Variants in GSTA1 observed in about 807,000 individuals in gnomAD.
GSTA1 encodes glutathione S-transferase A1.
GSTA1 carries 23 observed loss-of-function variants against 21.5 expected under a neutral mutation model. The observed-to-expected ratio is 1.07, with a 90% CI of 0.77 to 1.52. The LOEUF (loss-of-function observed/expected upper bound fraction) is 1.52. Among genes scored for constraint, GSTA1 ranks in the 40% most tolerant of loss-of-function variants. GSTA1 has a pLI of 0.00. For synonymous variants in GSTA1, 125 were observed against 90.0 expected (o/e 1.39, Z -2.20); for missense variants, 301 against 264.2 (o/e 1.14, Z -0.96).
At chr6:52,792,077 T>G in intron 6 of GSTA1, 97 bp from the exon 7 acceptor site, 1 of 1,542,978 alleles carries the variant, frequency 6.5e-7, no homozygotes, top group Non-Finnish European at 8.8e-7. Flanking sequence ...AAAGACCAAG[T>G]GAGTCTGCTC....
intron 1 of GSTA1, 132 bp downstream of exon 1, chr6:52,803,653 A>T (rs1763767763): frequency 5.9e-6 from 1 of 169,822 alleles, no homozygotes; most frequent in African/African-American, 2.4e-5. Flanking sequence ...TCACCCAAGC[A>T]CACCAAGACG....
At chr6:52,801,146 G>T (rs1263111106) in intron 1 of GSTA1, among the ~76,000 whole-genome samples, 4 of 152,198 alleles carry the variant, frequency 2.6e-5, no homozygotes, top group South Asian at 2.1e-4. Context: ...CTCCCGAAGT[G>T]CTGGGATTAC....
intron 1 of GSTA1, among the ~76,000 whole-genome samples, chr6:52,802,313 T>A (rs1763737458): frequency 6.6e-6 from 1 of 152,204 alleles, no homozygotes; most frequent in African/African-American, 2.4e-5. Flanking sequence ...CTGTTTCTTA[T>A]CAGAGAGAAG....
rs1277022571 is a variant in GSTA1, at chr6:52,799,258, T to A, written c.10A>T (p.Lys4Ter). Residue 4 changes from lysine to a stop codon, truncating the protein, a stop_gained, in exon 2 of 7, where the codon AAG (lysine) becomes TAG (stop). Transcript: ENST00000334575. LOFTEE classifies it high-confidence loss of function. ...GCATTGAAGTAGTGGAGCTTGGGCTTCTCTGCCATGATAGCAGTCTCCTGG... is the reference window on the plus strand; with the variant it reads ...GCATTGAAGTAGTGGAGCTTGGGCTACTCTGCCATGATAGCAGTCTCCTGG... The part of the protein sequence containing the change: MAE[K>*]PKLHYFNARG... 6.2e-7 allele frequency: 1 copy of A among 1,613,678 alleles called. No homozygotes were observed. The highest frequency in any genetic ancestry group is 1.7e-5 in the Admixed American group (1 of 59,924).
At chr6:52,795,691 C>T (rs1763559807) in intron 4 of GSTA1, among the ~76,000 whole-genome samples, 1 of 152,166 alleles carries the variant, frequency 6.6e-6, no homozygotes, top group Non-Finnish European at 1.5e-5. Flanking sequence ...CCAGCCTCTA[C>T]TAGCCCTGCT....
intron 4 of GSTA1, among the ~76,000 whole-genome samples, chr6:52,795,584 C>G (rs1274626638): frequency 1.3e-5 from 2 of 152,178 alleles, no homozygotes; most frequent in Admixed American, 1.3e-4. Context: ...AGTCTCATCA[C>G]AACAGCAAGG....
At chr6:52,793,271 G>C (rs1427430104) in intron 5 of GSTA1, among the ~76,000 whole-genome samples, 1 of 152,056 alleles carries the variant, frequency 6.6e-6, no homozygotes, top group Non-Finnish European at 1.5e-5. Flanking sequence ...TGGGCCAGGG[G>C]CTTAGCACCT....
Position 52,791,900 on chromosome 6 carries a change from A to G in GSTA1, c.627T>C (p.Asp209=). The G allele has an allele frequency of 6.2e-7, 1 of 1,613,980 alleles. No individual in the cohort carries two copies. The highest frequency in any genetic ancestry group is 1.3e-5 in the African/African-American group (1 of 75,038). The change falls in exon 7 of 7, where the codon GAT becomes GAC. Residue 209 remains aspartate, a synonymous_variant. Transcript: ENST00000334575. ...TCCTTGCTTCTTCTAAAGATTTCTC[A>G]TCCATGGGAGGCTTCCTTGGGCTGC... ...QPGSPRKPPM[D]EKSLEEARKI... is the part of the protein sequence containing the mutation.
rs112418283 is a variant in GSTA1 at position 52,796,539 on chromosome 6, A to T, written c.140-225T>A. Among the ~76,000 whole-genome samples, 31 of 35,226 alleles carry T rather than the reference A, an allele frequency of 8.8e-4. 2 individuals are homozygous for T. Among genetic ancestry groups the T allele is most frequent in the African/African-American group, 2.1e-3 (30 of 14,220 alleles). The allele number at this position is 35,226 out of a possible 152,430, so 23.1% of individuals were successfully genotyped here. A position where few individuals can be genotyped will look rare whatever the true frequency, so the allele number is the denominator to read the frequency against. The stretch of plus-strand genomic sequence containing the variant: ...TGTGTGTGTGTGTGTGTATATATAT[A>T]TATATTTTTTTTTTTTTTTTTTTTG... On this transcript the variant is annotated intron_variant, in intron 3 of 6. Coordinates refer to ENST00000334575, the MANE Select transcript of GSTA1 (RefSeq NM_145740.5).
intron 4 of GSTA1, among the ~76,000 whole-genome samples, chr6:52,795,573 C>T (rs1317235504): frequency 6.6e-6 from 1 of 152,158 alleles, no homozygotes; most frequent in Non-Finnish European, 1.5e-5. Flanking sequence ...TGGAATCATG[C>T]AGTCTCATCA....
intron 1 of GSTA1, among the ~76,000 whole-genome samples, chr6:52,801,873 T>A (rs1199636327): frequency 6.6e-6 from 1 of 152,188 alleles, no homozygotes; most frequent in East Asian, 1.9e-4. Flanking sequence ...ACCTGTCTCA[T>A]GCTGCACACT....
intron 3 of GSTA1, 25 bp from the exon 4 acceptor site, chr6:52,796,339 G>A (rs776709265): frequency 2.2e-5 from 35 of 1,613,628 alleles, no homozygotes; most frequent in Non-Finnish European, 2.9e-5. Flanking sequence ...AAAAAAAGGA[G>A]AGTGAAGTGT....
intron 2 of GSTA1, among the ~76,000 whole-genome samples, chr6:52,798,166 T>A (rs1259443674): frequency 6.6e-6 from 1 of 152,210 alleles, no homozygotes; most frequent in East Asian, 1.9e-4. Flanking sequence ...CAACTGTAAT[T>A]TTCTCTTCTG....
At chr6:52,793,695 G>A (rs774056607) in intron 5 of GSTA1, among the ~76,000 whole-genome samples, 4 of 152,178 alleles carry the variant, frequency 2.6e-5, no homozygotes, top group Non-Finnish European at 4.4e-5. Context: ...TCCCTGAAAC[G>A]CTACAGTATT....
intron 1 of GSTA1, among the ~76,000 whole-genome samples, chr6:52,802,625 GTA>G (rs1763743752): frequency 6.6e-6 from 1 of 152,066 alleles, no homozygotes; most frequent in African/African-American, 2.4e-5. Context: ...AACAATCTAT[GTA>G]TATGTATCTA....
intron 1 of GSTA1, among the ~76,000 whole-genome samples, chr6:52,803,159 C>A (rs969838648): frequency 4.6e-5 from 7 of 152,138 alleles, no homozygotes. Context: ...CTAGAGTGAG[C>A]AGGACAGATC....
At position 52,791,703 on chromosome 6, in the gene GSTA1, T is replaced by G. The variant is rs1186315153; in HGVS notation, c.*155A>C. On this transcript the variant is annotated 3_prime_UTR_variant, in exon 7 of 7. Transcript: ENST00000334575. The stretch of plus-strand genomic sequence containing the variant: ...TGAAAACAAATCAATTTTAACTAAG[T>G]CAGCGAATAGGAGTTGTATTATTTA... 2 of 831,436 alleles carry G rather than the reference T, an allele frequency of 2.4e-6. No individual in the cohort carries two copies. Among genetic ancestry groups the G allele is most frequent in the East Asian group, 2.7e-5 (1 of 36,766 alleles). 51.5% of individuals were successfully genotyped at this position (831,436 alleles called of 1,614,324 possible). A position where few individuals can be genotyped will look rare whatever the true frequency, so the allele number is the denominator to read the frequency against.
chr6:52,799,975 G>A (rs1414743897), intron 1 of GSTA1, among the ~76,000 whole-genome samples: 1 of 152,216 alleles, frequency 6.6e-6, no homozygotes, highest in African/African-American at 2.4e-5. Flanking sequence ...CCTCAGACTT[G>A]TTTAACTGTA....
intron 6 of GSTA1, among the ~76,000 whole-genome samples, chr6:52,792,439 G>A (rs1418312213): frequency 6.6e-6 from 1 of 152,170 alleles, no homozygotes; most frequent in East Asian, 1.9e-4. Flanking sequence ...GGAGAGCTGT[G>A]CAGAGAGGAA....
Sources: gnomAD v4.1 joint callset for allele counts (sites outside exome capture counted in the v4.1 genomes callset) on GRCh38, gnomAD v4.1.1 for gene constraint, MANE v1.5 for transcripts, NCBI Gene and HGNC (gene_info 2026-07-23, HGNC 2026-07-21) for gene names.